KLF8: variants seen among roughly 807,000 people sequenced by gnomAD.
KLF8 encodes Krueppel-like factor 8.
In KLF8, 10 loss-of-function variants were observed where a neutral mutation model predicts 18.2. That is an observed-to-expected ratio of 0.55 (90% CI 0.34 to 0.93). The LOEUF is 0.93. KLF8 is among the 40% of genes least tolerant of loss of function. KLF8 has a pLI of 0.02. For missense variants in KLF8, 264 were observed against 277.9 expected (o/e 0.95, Z 0.36); for synonymous variants, 109 against 97.3 (o/e 1.12, Z -0.71).
chrX:55,980,851 C>A, the KLF8 span, among the ~76,000 whole-genome samples: 1 of 112,312 alleles, frequency 8.9e-6, no homozygotes. Context: ...CTTCTCCCCC[C>A]CTCCATAGCA....
the KLF8 span, among the ~76,000 whole-genome samples, chrX:56,185,253 C>T: frequency 1.2e-4 from 13 of 111,733 alleles, no homozygotes; most frequent in South Asian, 3.7e-4. Context: ...CCAACAAGAT[C>T]AACTGGAAGA....
chrX:56,220,077 T>C, the KLF8 span, among the ~76,000 whole-genome samples: 1,068 of 112,135 alleles, frequency 9.5e-3, 38 homozygotes, highest in Admixed American at 0.08. Context: ...AAAATGGAGA[T>C]GTAAAAAATT....
chrX:56,171,424 G>A, the KLF8 span, among the ~76,000 whole-genome samples: 32 of 111,356 alleles, frequency 2.9e-4, no homozygotes, highest in Admixed American at 4.8e-4. Context: ...TGCACAACGT[G>A]CAGGTTTGTT....
the KLF8 span, among the ~76,000 whole-genome samples, chrX:56,004,807 G>A: frequency 9.0e-6 from 1 of 111,105 alleles, no homozygotes; most frequent in East Asian, 2.8e-4. Flanking sequence ...GGACAAAATA[G>A]AAGATAACAG....
the KLF8 span, among the ~76,000 whole-genome samples, chrX:56,112,615 A>G: frequency 4.5e-5 from 5 of 111,705 alleles, no homozygotes; most frequent in Admixed American, 9.5e-5. Context: ...AAGGTGTCCC[A>G]CACAACCCTT....
chrX:55,986,823 T>C, the KLF8 span, among the ~76,000 whole-genome samples: 18 of 111,692 alleles, frequency 1.6e-4, no homozygotes, highest in African/African-American at 5.2e-4. Context: ...ACCAGATACA[T>C]AGCTTTCTGA....
At chrX:56,073,056 G>T in the KLF8 span, among the ~76,000 whole-genome samples, 1 of 105,658 alleles carries the variant, frequency 9.5e-6, no homozygotes, top group Non-Finnish European at 1.9e-5. Context: ...GCGCGATTTC[G>T]GCTCACTGCA....
the KLF8 span, among the ~76,000 whole-genome samples, chrX:56,046,550 G>A: frequency 1.1e-4 from 12 of 110,040 alleles, no homozygotes; most frequent in African/African-American, 3.6e-4. Context: ...GGTACTTTTA[G>A]AAGTTCTTTT....
chrX:55,954,639 A>C, the KLF8 span, among the ~76,000 whole-genome samples: 2 of 112,322 alleles, frequency 1.8e-5, no homozygotes, highest in Admixed American at 9.4e-5. Context: ...TTCCTCCAAA[A>C]GACGAAACTG....
chrX:56,017,273 T>A, the KLF8 span, among the ~76,000 whole-genome samples: 1 of 112,395 alleles, frequency 8.9e-6, no homozygotes, highest in East Asian at 2.8e-4. Flanking sequence ...TTGGTATGTA[T>A]GCTGAGAGGG....
Position 56,290,239 on chromosome X carries a change from C to G in KLF8, c.*5745C>G, listed in dbSNP as rs1226721515. On this transcript the variant is annotated 3_prime_UTR_variant, in exon 6 of 6. Coordinates refer to ENST00000468660, the MANE Select transcript of KLF8 (RefSeq NM_007250.5). ...ATTTGCAAAATGGGGATCTCAATAT[C>G]TACCTCACAGGAATGTTGTGAGGCT... Among the ~76,000 whole-genome samples the G allele has an allele frequency of 9.0e-6, 1 of 111,670 alleles. No homozygotes were observed. Among genetic ancestry groups the G allele is most frequent in the African/African-American group, 3.3e-5 (1 of 30,702 alleles).
At chrX:56,048,739 G>T in the KLF8 span, among the ~76,000 whole-genome samples, 2 of 111,533 alleles carry the variant, frequency 1.8e-5, no homozygotes, top group East Asian at 2.8e-4. Flanking sequence ...TAGGATTGAC[G>T]TGGCAATGCA....
chrX:56,094,470 C>A, the KLF8 span, among the ~76,000 whole-genome samples: 1 of 110,967 alleles, frequency 9.0e-6, no homozygotes, highest in Non-Finnish European at 1.9e-5. Context: ...GAGGCCAAAA[C>A]TGGCAAAACT....
the KLF8 span, among the ~76,000 whole-genome samples, chrX:56,176,064 G>A: frequency 9.0e-6 from 1 of 111,599 alleles, no homozygotes; most frequent in African/African-American, 3.3e-5. Context: ...TTGCCACTTG[G>A]TGTCTTTTAA....
chrX:56,101,899 T>G, the KLF8 span, among the ~76,000 whole-genome samples: 13 of 111,946 alleles, frequency 1.2e-4, no homozygotes, highest in African/African-American at 4.2e-4. Context: ...TTCTGTAGGT[T>G]GTCTGCTTAC....
the KLF8 span, among the ~76,000 whole-genome samples, chrX:56,106,465 C>T: frequency 1.9e-4 from 21 of 111,841 alleles, no homozygotes; most frequent in South Asian, 7.5e-4. Flanking sequence ...TTAATTTGAT[C>T]TTCCATCACT....
At chrX:56,004,694 C>T in the KLF8 span, among the ~76,000 whole-genome samples, 1 of 111,232 alleles carries the variant, frequency 9.0e-6, no homozygotes, top group Non-Finnish European at 1.9e-5. Flanking sequence ...TGCCCAAACC[C>T]CAAACAAAAG....
At chrX:55,924,256 T>C in the KLF8 span, among the ~76,000 whole-genome samples, 1 of 110,685 alleles carries the variant, frequency 9.0e-6, no homozygotes, top group Non-Finnish European at 1.9e-5. Flanking sequence ...ATTTTTATTT[T>C]TTAGTAGAGA....
chrX:56,242,254 T>C (rs1383335320), intron 1 of KLF8, among the ~76,000 whole-genome samples: 1 of 112,217 alleles, frequency 8.9e-6, no homozygotes, highest in Non-Finnish European at 1.9e-5. Context: ...CGCAACTGGC[T>C]GAAAGCACTG....
Sources: gnomAD v4.1 joint callset for allele counts (sites outside exome capture counted in the v4.1 genomes callset) on GRCh38, gnomAD v4.1.1 for gene constraint, MANE v1.5 for transcripts, NCBI Gene and HGNC (gene_info 2026-07-23, HGNC 2026-07-21) for gene names.